KCNJ6: variants seen among roughly 807,000 people sequenced by gnomAD.
KCNJ6 encodes G protein-activated inward rectifier potassium channel 2.
KCNJ6 carries 9 observed loss-of-function variants against 34.2 expected under a neutral mutation model. That is an observed-to-expected ratio of 0.26 (90% CI 0.16 to 0.46). The LOEUF is 0.46. Ranked by LOEUF, KCNJ6 falls within the 20% of genes least tolerant of loss-of-function variation. The pLI is 1.00. For synonymous variants in KCNJ6, 196 were observed against 207.1 expected (o/e 0.95, Z 0.46); for missense variants, 236 against 531.3 (o/e 0.44, Z 5.46).
At chr21:37,798,909 T>A (rs2055256117) in intron 2 of KCNJ6, among the ~76,000 whole-genome samples, 1 of 152,220 alleles carries the variant, frequency 6.6e-6, no homozygotes, top group Non-Finnish European at 1.5e-5. Flanking sequence ...GGCATGTGAA[T>A]TATCTCAATA....
At chr21:37,848,252 CG>C (rs1568870507) in intron 1 of KCNJ6, among the ~76,000 whole-genome samples, 6 of 152,122 alleles carry the variant, frequency 3.9e-5, no homozygotes, top group Non-Finnish European at 1.5e-5. Context: ...CCTGTGAGCC[CG>C]GGGACTAGCA....
intron 3 of KCNJ6, among the ~76,000 whole-genome samples, chr21:37,686,396 A>C (rs1009990879): frequency 6.6e-6 from 1 of 152,008 alleles, no homozygotes; most frequent in African/African-American, 2.4e-5. Context: ...TGATTGAAAA[A>C]ATATGTGTTG....
chr21:37,725,392 T>TA (rs992509865), intron 2 of KCNJ6, among the ~76,000 whole-genome samples: 11 of 152,124 alleles, frequency 7.2e-5, no homozygotes, highest in East Asian at 1.9e-4. Flanking sequence ...GACTCTGTCT[T>TA]AAAAAAAGTA....
At chr21:37,703,236 A>C in intron 3 of KCNJ6, among the ~76,000 whole-genome samples, 1 of 152,286 alleles carries the variant, frequency 6.6e-6, no homozygotes, top group East Asian at 1.9e-4. Flanking sequence ...GTAGTCCAAA[A>C]GTCTTTGAGT....
chr21:37,661,813 A>G (rs1429415584), intron 3 of KCNJ6, among the ~76,000 whole-genome samples: 1 of 149,756 alleles, frequency 6.7e-6, no homozygotes, highest in Non-Finnish European at 1.5e-5. Flanking sequence ...TTTTTTTAGT[A>G]CAGACGGGGT....
intron 2 of KCNJ6, among the ~76,000 whole-genome samples, chr21:37,776,576 CA>C (rs1271980592): frequency 1.3e-5 from 2 of 152,140 alleles, no homozygotes; most frequent in African/African-American, 4.8e-5. Context: ...TGAATTTTGT[CA>C]AAGGCCTTTT....
At chr21:37,814,540 T>C (rs2055336989) in intron 2 of KCNJ6, among the ~76,000 whole-genome samples, 1 of 152,110 alleles carries the variant, frequency 6.6e-6, no homozygotes, top group African/African-American at 2.4e-5. Context: ...TAAATGTCTA[T>C]CAACAGATGA....
In KCNJ6 at chr21:37,840,665, T is replaced by C. The variant is rs1409699756; in HGVS notation, c.18A>G (p.Glu6=). Residue 6 remains glutamate (E), a synonymous_variant, in exon 2 of 4, where the codon GAA becomes GAG. Transcript: ENST00000609713. ...AAATTTGAAGCTACTCACTCATGGA[T>C]TCTGTCAGCTTGGCCATTGTTGCAG... is the stretch of plus-strand genomic sequence containing the variant. MAKLT[E]SMTNVLEGDS... is the part of the protein sequence containing the mutation. 6.2e-7 allele frequency: 1 copy of C among 1,603,990 alleles called. No homozygotes were observed. Among genetic ancestry groups the C allele is most frequent in the African/African-American group, 1.3e-5 (1 of 74,652 alleles).
chr21:37,841,397 G>C (rs1466835765), intron 1 of KCNJ6, among the ~76,000 whole-genome samples: 2 of 152,046 alleles, frequency 1.3e-5, no homozygotes, highest in African/African-American at 2.4e-5. Flanking sequence ...ACAGTTCTTT[G>C]GGTTTAATTT....
intron 2 of KCNJ6, among the ~76,000 whole-genome samples, chr21:37,808,736 A>C (rs2055306041): frequency 6.6e-6 from 1 of 152,240 alleles, no homozygotes; most frequent in Admixed American, 6.5e-5. Flanking sequence ...TCCCTGGGAC[A>C]AAAGAGTCAC....
At chr21:37,648,008 GC>G (rs2054413589) in intron 3 of KCNJ6, among the ~76,000 whole-genome samples, 1 of 152,236 alleles carries the variant, frequency 6.6e-6, no homozygotes, top group Non-Finnish European at 1.5e-5. Flanking sequence ...CAGAAGTCAT[GC>G]CTGTGATCCG....
At chr21:37,753,481 C>A (rs1465924216) in intron 2 of KCNJ6, among the ~76,000 whole-genome samples, 1 of 152,120 alleles carries the variant, frequency 6.6e-6, no homozygotes, top group Non-Finnish European at 1.5e-5. Flanking sequence ...CGTATCCCAG[C>A]CTTAGAAACA....
At chr21:37,824,138 G>C (rs1481820371) in intron 2 of KCNJ6, among the ~76,000 whole-genome samples, 1 of 152,158 alleles carries the variant, frequency 6.6e-6, no homozygotes, top group Non-Finnish European at 1.5e-5. Flanking sequence ...AAAAGGGAAA[G>C]TTCTTGACAC....
intron 2 of KCNJ6, among the ~76,000 whole-genome samples, chr21:37,728,580 A>C (rs552247735): frequency 1.3e-5 from 2 of 152,326 alleles, no homozygotes; most frequent in South Asian, 4.1e-4. Context: ...CTACGATGCT[A>C]TAGCTCCAGA....
At chr21:37,626,509 T>A (rs1171316614) in intron 3 of KCNJ6, among the ~76,000 whole-genome samples, 2 of 152,210 alleles carry the variant, frequency 1.3e-5, no homozygotes, top group African/African-American at 4.8e-5. Context: ...CCAGCAGCCC[T>A]GGAGTCAGGA....
chr21:37,893,362 C>T (rs1462146533), intron 1 of KCNJ6, among the ~76,000 whole-genome samples: 4 of 152,136 alleles, frequency 2.6e-5, no homozygotes, highest in East Asian at 1.9e-4. Context: ...CACCTGCCAC[C>T]GTGCCCAGCT....
intron 1 of KCNJ6, among the ~76,000 whole-genome samples, chr21:37,896,721 G>T (rs2055790205): frequency 6.6e-6 from 1 of 152,126 alleles, no homozygotes. Flanking sequence ...AACACTCAGG[G>T]TTTCTCTGGC....
chr21:37,786,026 G>A (rs114887973), intron 2 of KCNJ6, among the ~76,000 whole-genome samples: 6,054 of 152,214 alleles, frequency 0.04, 405 homozygotes, highest in African/African-American at 0.14. Context: ...TGGTTTATCC[G>A]TCCCCCAGTC....
At chr21:37,915,617 C>T (rs1268719944) in intron 1 of KCNJ6, among the ~76,000 whole-genome samples, 1 of 152,250 alleles carries the variant, frequency 6.6e-6, no homozygotes, top group Non-Finnish European at 1.5e-5. Flanking sequence ...TTTCTGCGAG[C>T]CCAGGGATGC....
Sources: gnomAD v4.1 joint callset for allele counts (sites outside exome capture counted in the v4.1 genomes callset) on GRCh38, gnomAD v4.1.1 for gene constraint, MANE v1.5 for transcripts, NCBI Gene and HGNC (gene_info 2026-07-23, HGNC 2026-07-21) for gene names.